Variants in CHRDL1 observed in about 807,000 individuals in gnomAD.
CHRDL1 encodes the protein chordin like 1.
A neutral mutation model predicts 40.9 loss-of-function variants in CHRDL1; 19 were observed. The observed-to-expected ratio is 0.46, with a 90% CI of 0.32 to 0.68. The LOEUF (loss-of-function observed/expected upper bound fraction) is 0.68. Among genes scored for constraint, CHRDL1 ranks in the 30% least tolerant of loss-of-function variants. CHRDL1 has a pLI of 0.03. For missense variants in CHRDL1, 329 were observed against 352.1 expected, an observed-to-expected ratio of 0.93 and a Z score of 0.53; for synonymous variants, 136 against 123.4, an observed-to-expected ratio of 1.10 and a Z score of -0.68.
At chrX:110,794,290 A>ACCCAGTTAAC (rs1418444212) in intron 1 of CHRDL1, among the ~76,000 whole-genome samples, 1 of 112,066 alleles carries the variant, frequency 8.9e-6, no homozygotes, top group African/African-American at 3.2e-5. Flanking sequence ...TTATACTTTG[A>ACCCAGTTAAC]CCCAGTTAAC....
Position 110,686,271 on chromosome X carries a change from T to A in CHRDL1, c.988+2323A>T, listed in dbSNP as rs1394318622. ...AAGCAATGACTGTTGTTTGTCTTGT[T>A]CTCACAGCTTTTTGATTATTTAATT... On this transcript the variant is annotated intron_variant, in intron 9 of 11. Coordinates refer to ENST00000372042, the MANE Select transcript of CHRDL1 (RefSeq NM_001143981.2). 3.6e-5 allele frequency among the ~76,000 whole-genome samples: 4 copies of A among 111,458 alleles called. No individual in the cohort carries two copies. The Admixed American group carries it at 3.8e-4, about 11-fold the overall frequency.
At chrX:110,754,361 A>C (rs923305080) in intron 4 of CHRDL1, among the ~76,000 whole-genome samples, 10 of 112,459 alleles carry the variant, frequency 8.9e-5, no homozygotes, top group African/African-American at 2.9e-4. Flanking sequence ...AAGTTGCCTA[A>C]GTTTTGAGTG....
chrX:110,786,051 T>A (rs2090012328), intron 2 of CHRDL1, among the ~76,000 whole-genome samples: 1 of 112,073 alleles, frequency 8.9e-6, no homozygotes, highest in Non-Finnish European at 1.9e-5. Flanking sequence ...GAAACCAAGG[T>A]TACCCAGAAT....
At chrX:110,689,941 C>CTA (rs1569462497) in intron 8 of CHRDL1, among the ~76,000 whole-genome samples, 6 of 10,637 alleles carry the variant, frequency 5.6e-4, no homozygotes, top group African/African-American at 1.4e-3. Context: ...CTATATATAT[C>CTA]TATATATCTA....
chrX:110,693,073 G>A (rs770914713), intron 8 of CHRDL1, among the ~76,000 whole-genome samples: 1 of 111,703 alleles, frequency 9.0e-6, no homozygotes, highest in Non-Finnish European at 1.9e-5. Context: ...CCAACGAGCT[G>A]GTTGACAGGA....
At chrX:110,763,517 CATAT>C (rs1181077339) in intron 2 of CHRDL1, among the ~76,000 whole-genome samples, 1 of 106,490 alleles carries the variant, frequency 9.4e-6, no homozygotes, top group Non-Finnish European at 1.9e-5. Context: ...TATATACACA[CATAT>C]ATATAATCAA....
chrX:110,678,395 C>A lies in CHRDL1; in HGVS notation c.1246+941G>T, dbSNP rs1475795120. Among the ~76,000 whole-genome samples, 3 of 111,487 alleles carry A rather than the reference C, an allele frequency of 2.7e-5. No individual in the cohort carries two copies. The Admixed American group carries it at 2.9e-4, about 11-fold the overall frequency. On this transcript the variant is annotated intron_variant, in intron 11 of 11. Transcript: ENST00000372042. ...CAGGCCCTATGACTACTTTCTACCT[C>A]CAAATCTTCTAATCTTTTAGTGCAC...
At chrX:110,689,835 A>ATATATATC (rs1185451625) in intron 8 of CHRDL1, among the ~76,000 whole-genome samples, 1 of 55,617 alleles carries the variant, frequency 1.8e-5, no homozygotes, top group East Asian at 4.3e-4. Flanking sequence ...CTATATATCT[A>ATATATATC]TATATATCTA....
intron 4 of CHRDL1, among the ~76,000 whole-genome samples, chrX:110,731,360 A>G (rs2071156846): frequency 9.0e-6 from 1 of 111,201 alleles, no homozygotes; most frequent in South Asian, 3.9e-4. Flanking sequence ...AGAAATTGGA[A>G]CCCTTATACA....
In CHRDL1 at chrX:110,679,315, G is replaced by C. The variant is rs778546581; in HGVS notation, c.1246+21C>G. On this transcript the variant is annotated intron_variant, in intron 11 of 11. Transcript: ENST00000372042. Reference sequence around the variant, plus strand: ...AACTGAATGTGTTTTTCAGGGAGCAGTCAAGAGAAGTACTACTTACTCAGG... The same window carrying C: ...AACTGAATGTGTTTTTCAGGGAGCACTCAAGAGAAGTACTACTTACTCAGG... The C allele has an allele frequency of 6.4e-6, 7 of 1,094,958 alleles. No homozygotes were observed. In the South Asian group the frequency reaches 1.1e-4, roughly 17 times the overall value. The allele number at this position is 1,094,958 out of a possible 1,213,427, so 90.2% of individuals were successfully genotyped here. A position where few individuals can be genotyped will look rare whatever the true frequency, so the allele number is the denominator to read the frequency against.
intron 4 of CHRDL1, among the ~76,000 whole-genome samples, chrX:110,752,089 A>T (rs755628152): frequency 8.9e-5 from 10 of 112,095 alleles, no homozygotes; most frequent in Non-Finnish European, 1.7e-4. Flanking sequence ...ATAGAAACAG[A>T]AAGTAGAATA....
In CHRDL1 at chrX:110,675,569, C is replaced by T. The variant is rs1453212160; in HGVS notation, c.*662G>A. 1.8e-5 allele frequency: 2 copies of T among 111,390 alleles called. No homozygotes were observed. Among genetic ancestry groups the T allele is most frequent in the African/African-American group, 6.5e-5 (2 of 30,600 alleles). The allele number at this position is 111,390 out of a possible 1,213,427, so 9.2% of individuals were successfully genotyped here. A position where few individuals can be genotyped will look rare whatever the true frequency, so the allele number is the denominator to read the frequency against. The stretch of plus-strand genomic sequence containing the variant: ...GTTCACAGTTATTTACTCTCCTGGG[C>T]ACAAAAACTTCCAAGCTACTTGGGA... On this transcript the variant is annotated 3_prime_UTR_variant, in exon 12 of 12. Transcript: ENST00000372042.
In CHRDL1 at chrX:110,738,995, T is replaced by C. The variant is rs1008213072; in HGVS notation, c.302-17465A>G. ...TCTATTTCACGTTCCTGCCCCAGGA[T>C]ACATATCCCAAACCTGTACCAATGA... On this transcript the variant is annotated intron_variant, in intron 4 of 11. Transcript: ENST00000372042. Among the ~76,000 whole-genome samples the C allele has an allele frequency of 3.7e-4, 41 of 111,663 alleles. 1 individual carries two copies. The Admixed American group carries it at 3.9e-3, about 11-fold the overall frequency.
intron 11 of CHRDL1, among the ~76,000 whole-genome samples, chrX:110,676,646 C>T (rs56770900): frequency 0.028 from 3,160 of 111,175 alleles, 98 homozygotes; most frequent in African/African-American, 0.098. Context: ...AAGTGTTATT[C>T]TTGGAATTTT....
At chrX:110,751,771 G>T (rs2089363204) in intron 4 of CHRDL1, among the ~76,000 whole-genome samples, 1 of 111,423 alleles carries the variant, frequency 9.0e-6, no homozygotes, top group South Asian at 3.8e-4. Context: ...CTACTACTGG[G>T]TATATATCCA....
At chrX:110,759,567 G>A (rs1310808759) in intron 4 of CHRDL1, 94 bp downstream of exon 4, 1 of 660,516 alleles carries the variant, frequency 1.5e-6, no homozygotes, top group African/African-American at 2.1e-5. Context: ...CTGTCTGGAA[G>A]TTTCCCTTCT....
intron 4 of CHRDL1, among the ~76,000 whole-genome samples, chrX:110,734,702 G>A (rs748667332): frequency 8.9e-6 from 1 of 112,178 alleles, no homozygotes; most frequent in Non-Finnish European, 1.9e-5. Context: ...AATTGCGGAA[G>A]ATAAAACACA....
rs1226777733 is a variant in CHRDL1 at position 110,689,719 on chromosome X, CTA to C, written c.779-918_779-917del. On this transcript the variant is annotated intron_variant, in intron 8 of 11. Coordinates refer to ENST00000372042, the MANE Select transcript of CHRDL1 (RefSeq NM_001143981.2). ...TATATCTATATATCTATATATATAT[CTA>C]TATATATCTATATATCTATATATAT... is the stretch of plus-strand genomic sequence containing the variant. Among the ~76,000 whole-genome samples, 65 of 26,281 alleles carry C rather than the reference CTA, an allele frequency of 2.5e-3. 5 individuals carry two copies. Among genetic ancestry groups the C allele is most frequent in the South Asian group, 0.02 (17 of 859 alleles). 22.8% of individuals were successfully genotyped at this position (26,281 alleles called of 115,157 possible).
chrX:110,746,855 A>G (rs2089263762), intron 4 of CHRDL1, among the ~76,000 whole-genome samples: 1 of 111,700 alleles, frequency 9.0e-6, no homozygotes, highest in Non-Finnish European at 1.9e-5. Context: ...ACCTCCTTAT[A>G]CTTTTCAAAG....
Sources: gnomAD v4.1 joint callset for allele counts (sites outside exome capture counted in the v4.1 genomes callset) on GRCh38, gnomAD v4.1.1 for gene constraint, MANE v1.5 for transcripts, NCBI Gene and HGNC (gene_info 2026-07-23, HGNC 2026-07-21) for gene names.